PUS3: variants seen among roughly 807,000 people sequenced by gnomAD.
PUS3 encodes tRNA pseudouridine(38/39) synthase.
Under a neutral mutation model 43.3 loss-of-function variants are expected in PUS3, and 36 were observed. The ratio of observed to expected loss-of-function variants is 0.83; its 90% CI spans 0.64 to 1.10. The LOEUF (loss-of-function observed/expected upper bound fraction) is 1.10, where lower values mean the gene tolerates loss of function less well. Among genes scored for constraint, PUS3 ranks in the 50% least tolerant of loss-of-function variants. PUS3 has a pLI of 0.00. For synonymous variants in PUS3, 183 were observed against 199.2 expected (o/e 0.92, Z 0.69); for missense variants, 544 against 589.9 (o/e 0.92, Z 0.81).
chr11:125,899,468 C>T (rs1314229598), intron 1 of PUS3: 1 of 1,614,130 alleles, frequency 6.2e-7, no homozygotes, highest in African/African-American at 1.3e-5. Flanking sequence ...CTGTGCAGGG[C>T]AGGGTGAAGG....
chr11:125,893,714 A>AG lies in PUS3; in HGVS notation c.*70_*71insC. Reference sequence around the variant, plus strand: ...TCTGAATTCCTAGTACTTGCAAGTAAATTTTTTTTTTTTTCCTTTTCTGTC... The same window carrying AG: ...TCTGAATTCCTAGTACTTGCAAGTAAGATTTTTTTTTTTTTCCTTTTCTGTC... On this transcript the variant is annotated 3_prime_UTR_variant, in exon 4 of 4. Transcript: ENST00000227474. 2.3e-6 allele frequency: 3 copies of AG among 1,312,310 alleles called. No individual in the cohort carries two copies. The highest frequency in any genetic ancestry group is 3.0e-6 in the Non-Finnish European group (3 of 984,016). 81.3% of individuals were successfully genotyped at this position (1,312,310 alleles called of 1,614,324 possible).
In PUS3 at chr11:125,900,206, C is replaced by T. The variant is rs749875301; in HGVS notation, c.-47+2964G>A. 1.2e-5 allele frequency: 19 copies of T among 1,614,044 alleles called. No individual in the cohort carries two copies. The highest frequency in any genetic ancestry group is 1.3e-5 in the African/African-American group (1 of 74,914). On this transcript the variant is annotated intron_variant, in intron 1 of 3. Coordinates refer to ENST00000227474, the MANE Select transcript of PUS3 (RefSeq NM_031307.4). ...AAGGTCTGCACTCCGTTGGGGTGTT[C>T]GTTGTGACCTTGCAAATGGTGTCAT...
At position 125,893,945 on chromosome 11, in the gene PUS3, T is replaced by TG; in HGVS notation, c.1285dup (p.His429ProfsTer5). On this transcript the variant is annotated frameshift_variant, in exon 4 of 4. Coordinates refer to ENST00000227474, the MANE Select transcript of PUS3 (RefSeq NM_031307.4). LOFTEE classifies it high-confidence loss of function. ...CTCAATTCGTCCCCTACGTACAAAA[T>TG]GCTGGATCCGGGATTCCAGTCCTTG... 1 of 1,614,136 alleles carries TG rather than the reference T, an allele frequency of 6.2e-7. No individual in the cohort carries two copies. The highest frequency in any genetic ancestry group is 1.1e-5 in the South Asian group (1 of 91,070).
At position 125,893,514 on chromosome 11, in the gene PUS3, G is replaced by T; in HGVS notation, c.*271C>A. The T allele has an allele frequency of 3.5e-6, 1 of 289,784 alleles. No individual in the cohort carries two copies. The allele number at this position is 289,784 out of a possible 1,614,324, so 18.0% of individuals were successfully genotyped here. A position where few individuals can be genotyped will look rare whatever the true frequency, so the allele number is the denominator to read the frequency against. On this transcript the variant is annotated 3_prime_UTR_variant, in exon 4 of 4. Coordinates refer to ENST00000227474, the MANE Select transcript of PUS3 (RefSeq NM_031307.4). ...TGCAGGATTAGGCTTTAATGAATTT[G>T]AATACAAGGCACAGGTTTCCAGGTG...
In PUS3 at chr11:125,901,491, C is replaced by T. The variant is rs75945283; in HGVS notation, c.-47+1679G>A. Among the ~76,000 whole-genome samples the T allele has an allele frequency of 2.9e-3, 439 of 152,300 alleles. 6 individuals are homozygous for T. The Middle Eastern group carries it at 0.038, about 13-fold the overall frequency. On this transcript the variant is annotated intron_variant, in intron 1 of 3. Coordinates refer to ENST00000227474, the MANE Select transcript of PUS3 (RefSeq NM_031307.4). ...GGACCATCTAAAATCTGAAAGTTGT[C>T]AGTTTTAACACCAGAGGCCAGAAGA...
In PUS3 at chr11:125,893,729, C is replaced by CTTT; in HGVS notation, c.*55_*56insAAA. ...CTTGCAAGTAAATTTTTTTTTTTTT[C>CTTT]CTTTTCTGTCCACCTACCATTAGGT... On this transcript the variant is annotated 3_prime_UTR_variant, in exon 4 of 4. Transcript: ENST00000227474. 1.3e-5 allele frequency: 14 copies of CTTT among 1,089,396 alleles called. No homozygotes were observed. Among genetic ancestry groups the CTTT allele is most frequent in the East Asian group, 3.1e-5 (1 of 32,136 alleles). The allele number at this position is 1,089,396 out of a possible 1,614,324, so 67.5% of individuals were successfully genotyped here.
In PUS3 at chr11:125,893,724, T is replaced by G. The variant is rs1433226780; in HGVS notation, c.*61A>C. The G allele has an allele frequency of 3.5e-6, 5 of 1,416,558 alleles. No individual in the cohort carries two copies. Among genetic ancestry groups the G allele is most frequent in the Admixed American group, 2.6e-5 (1 of 38,802 alleles). 87.7% of individuals were successfully genotyped at this position (1,416,558 alleles called of 1,614,324 possible). A position where few individuals can be genotyped will look rare whatever the true frequency, so the allele number is the denominator to read the frequency against. ...TAGTACTTGCAAGTAAATTTTTTTT[T>G]TTTTCCTTTTCTGTCCACCTACCAT... is the stretch of plus-strand genomic sequence containing the variant. On this transcript the variant is annotated 3_prime_UTR_variant, in exon 4 of 4. Transcript: ENST00000227474.
chr11:125,901,341 C>T lies in PUS3; in HGVS notation c.-47+1829G>A, dbSNP rs1944768237. On this transcript the variant is annotated intron_variant, in intron 1 of 3. Coordinates refer to ENST00000227474, the MANE Select transcript of PUS3 (RefSeq NM_031307.4). ...CTCCAGTAGAAATTCAAACTAGTAA[C>T]ATCTGGAATCAGATGCAAACATAAA... 3.3e-5 allele frequency among the ~76,000 whole-genome samples: 5 copies of T among 152,280 alleles called. No homozygotes were observed. The South Asian group carries it at 1.0e-3, about 32-fold the overall frequency.
chr11:125,899,943 C>T (rs765334794), intron 1 of PUS3: 1 of 1,614,178 alleles, frequency 6.2e-7, no homozygotes, highest in South Asian at 1.1e-5. Context: ...GCCAGCAGAC[C>T]CAAGTCCTTT....
intron 1 of PUS3, among the ~76,000 whole-genome samples, 158 bp downstream of exon 1, chr11:125,903,012 C>T (rs905080590): frequency 9.9e-5 from 15 of 151,740 alleles, no homozygotes; most frequent in African/African-American, 2.2e-4. Flanking sequence ...TGGTCTTAAG[C>T]GAGGTCTCAT....
At chr11:125,899,999 G>A in intron 1 of PUS3, 1 of 1,614,218 alleles carries the variant, frequency 6.2e-7, no homozygotes. Context: ...GGGCAAGACA[G>A]ACCGGGTAGC....
In PUS3 at chr11:125,895,205, T is replaced by C. The variant is rs777030182; in HGVS notation, c.944+19A>G. The C allele has an allele frequency of 5.2e-6, 8 of 1,536,124 alleles. No homozygotes were observed. In the South Asian group the frequency reaches 1.0e-4, roughly 20 times the overall value. On this transcript the variant is annotated intron_variant, in intron 3 of 3. Transcript: ENST00000227474. Reference sequence around the variant, plus strand: ...TGGGACTACAGGCATGTGCCATTTATTTTTTATTTTTAACTCACCTATATT... The same window carrying C: ...TGGGACTACAGGCATGTGCCATTTACTTTTTATTTTTAACTCACCTATATT...
chr11:125,898,757 C>T (rs1342688560), intron 1 of PUS3, among the ~76,000 whole-genome samples: 1 of 146,468 alleles, frequency 6.8e-6, no homozygotes, highest in African/African-American at 2.5e-5. Flanking sequence ...CACAACACTG[C>T]TTTTGTGATT....
intron 1 of PUS3, chr11:125,900,482 T>C: frequency 1.8e-6 from 1 of 560,524 alleles, no homozygotes; most frequent in Non-Finnish European, 3.3e-6. Context: ...ATAAATCATA[T>C]CAGAGAAAGA....
chr11:125,903,035 A>G, intron 1 of PUS3, 135 bp downstream of exon 1: 1 of 233,520 alleles, frequency 4.3e-6, no homozygotes, highest in Non-Finnish European at 7.0e-6. Flanking sequence ...CCATACGGCA[A>G]TGCTTTCCTG....
Position 125,896,211 on chromosome 11 carries a change from A to G in PUS3, c.74T>C (p.Val25Ala), listed in dbSNP as rs1300700932. The G allele has an allele frequency of 2.2e-5, 35 of 1,613,998 alleles. No individual in the cohort carries two copies. The highest frequency in any genetic ancestry group is 2.8e-5 in the Non-Finnish European group (33 of 1,179,992). ...LKRVRELEQE[V>A]QRLKKEQAKN... ...GGCCTGTTCCTTTTTAAGTCTTTGC[A>G]CCTCTTGCTCCAGTTCTCGTACTCT... Residue 25 changes from valine (V) to alanine (A), a missense_variant, in exon 2 of 4, where the codon GTG (valine) becomes GCG (alanine). Val to Ala is a moderately conservative substitution (Grantham distance 64). Transcript: ENST00000227474.
At chr11:125,897,687 G>A (rs1328932450) in intron 1 of PUS3, among the ~76,000 whole-genome samples, 1 of 152,170 alleles carries the variant, frequency 6.6e-6, no homozygotes, top group African/African-American at 2.4e-5. Context: ...TCAAGGAAGT[G>A]ACTGCAAAGA....
rs35782066 is a variant in PUS3 at position 125,893,716 on chromosome 11, T to A, written c.*69A>T. On this transcript the variant is annotated 3_prime_UTR_variant, in exon 4 of 4. Coordinates refer to ENST00000227474, the MANE Select transcript of PUS3 (RefSeq NM_031307.4). ...TGAATTCCTAGTACTTGCAAGTAAA[T>A]TTTTTTTTTTTTCCTTTTCTGTCCA... 1.1e-4 allele frequency: 60 copies of A among 540,220 alleles called. No homozygotes were observed. Among genetic ancestry groups the A allele is most frequent in the African/African-American group, 2.5e-4 (9 of 36,164 alleles). 33.5% of individuals were successfully genotyped at this position (540,220 alleles called of 1,614,324 possible). A position where few individuals can be genotyped will look rare whatever the true frequency, so the allele number is the denominator to read the frequency against.
rs1448971382 is a variant in PUS3, at chr11:125,896,263, T to C, written c.22A>G (p.Arg8Gly). ...TTTAGGAGCTTCTCAGTCTGGTTTC[T>C]GTCTGTGTCATTATAAGCCATGATA... MAYNDTD[R>G]NQTEKLLKRV... Residue 8 changes from arginine (R) to glycine (G), a missense_variant, in exon 2 of 4, where the codon AGA becomes GGA. Arg to Gly is a moderately radical substitution (Grantham distance 125). Transcript: ENST00000227474. The C allele has an allele frequency of 5.0e-6, 8 of 1,611,584 alleles. No homozygotes were observed. The highest frequency in any genetic ancestry group is 1.3e-5 in the African/African-American group (1 of 74,900).
Sources: gnomAD v4.1 joint callset for allele counts (sites outside exome capture counted in the v4.1 genomes callset) on GRCh38, gnomAD v4.1.1 for gene constraint, MANE v1.5 for transcripts, NCBI Gene and HGNC (gene_info 2026-07-23, HGNC 2026-07-21) for gene names.